Variants in SEC61A2 observed in about 807,000 individuals in gnomAD.
The protein encoded by SEC61A2 is SEC61 translocon subunit alpha 2.
In SEC61A2, 28 loss-of-function variants were observed where a neutral mutation model predicts 59.9. The ratio of observed to expected loss-of-function variants is 0.47; its 90% CI spans 0.35 to 0.64. SEC61A2 has a LOEUF of 0.64. SEC61A2 is among the 30% of genes least tolerant of loss of function. The pLI, the probability that SEC61A2 is intolerant of heterozygous loss-of-function variation, is 0.01. For synonymous variants in SEC61A2, 202 were observed against 214.4 expected, an observed-to-expected ratio of 0.94 and a Z score of 0.50; for missense variants, 340 against 585.9, an observed-to-expected ratio of 0.58 and a Z score of 4.33.
In SEC61A2 at chr10:12,165,154, A is replaced by G. The variant is rs555389672; in HGVS notation, c.*700A>G. On this transcript the variant is annotated 3_prime_UTR_variant, in exon 12 of 12. Coordinates refer to ENST00000298428, the MANE Select transcript of SEC61A2 (RefSeq NM_018144.4). ...GTATTGGCTATGCCTTCTAACTCCA[A>G]CCAGTCACTTGAGAATATTCTTTCA... 1.4e-5 allele frequency: 14 copies of G among 985,388 alleles called. No homozygotes were observed. In the South Asian group the frequency reaches 3.8e-4, roughly 26 times the overall value. The allele number at this position is 985,388 out of a possible 1,614,324, so 61.0% of individuals were successfully genotyped here.
At position 12,156,234 on chromosome 10, in the gene SEC61A2, T is replaced by G. The variant is rs1470710830; in HGVS notation, c.616+303T>G. Among the ~76,000 whole-genome samples the G allele has an allele frequency of 6.6e-6, 1 of 152,236 alleles. No homozygotes were observed. Among genetic ancestry groups the G allele is most frequent in the Admixed American group, 6.5e-5 (1 of 15,284 alleles). On this transcript the variant is annotated intron_variant, in intron 7 of 11. Transcript: ENST00000298428. This position sits in a 1 kb window ranked among gnomAD's most constrained non-coding sequence, Gnocchi z 5.2. ...TGCAGAAGTCATTTATTTGACTGAT[T>G]TCAGCATCCGTAGGGGGATAAAAAG...
At chr10:12,157,189 T>C (rs1834418218) in intron 8 of SEC61A2, 122 bp downstream of exon 8, 2 of 986,040 alleles carry the variant, frequency 2.0e-6, no homozygotes, top group East Asian at 2.5e-5. Flanking sequence ...GAAATAAAAT[T>C]TTGCAATTAG....
chr10:12,162,486 C>T lies in SEC61A2; in HGVS notation c.1244+197C>T. ...TTTCATTGAAATTGTGAGCACTGCT[C>T]TGCTCATCCCAGTGATAAAATCTTG... On this transcript the variant is annotated intron_variant, in intron 11 of 11. Transcript: ENST00000298428. The surrounding 1 kb of genome is among the most constrained non-coding windows in gnomAD (Gnocchi z 6.1). The T allele has an allele frequency of 1.4e-6, 1 of 739,004 alleles. No individual in the cohort carries two copies. Among genetic ancestry groups the T allele is most frequent in the Non-Finnish European group, 2.5e-6 (1 of 400,392 alleles). 45.8% of individuals were successfully genotyped at this position (739,004 alleles called of 1,614,324 possible).
chr10:12,132,530 C>G (rs1043428410), intron 1 of SEC61A2, among the ~76,000 whole-genome samples: 1 of 151,664 alleles, frequency 6.6e-6, no homozygotes, highest in Non-Finnish European at 1.5e-5. Flanking sequence ...AGGAGAATCA[C>G]TTGAACCTGG....
At chr10:12,144,515 C>T (rs1431379366) in intron 4 of SEC61A2, among the ~76,000 whole-genome samples, 1 of 152,162 alleles carries the variant, frequency 6.6e-6, no homozygotes, top group African/African-American at 2.4e-5. Context: ...TATTGTGTGT[C>T]AGCCTTTGTG....
intron 2 of SEC61A2, among the ~76,000 whole-genome samples, chr10:12,134,255 C>T (rs1193194724): frequency 2.0e-5 from 3 of 152,244 alleles, no homozygotes; most frequent in African/African-American, 7.2e-5. Context: ...GATCTGCCCG[C>T]CTCAGCCTCC....
Position 12,156,993 on chromosome 10 carries a change from T to TA in SEC61A2, c.704dup (p.Tyr235Ter). 6.2e-7 allele frequency: 1 copy of TA among 1,614,128 alleles called. No individual in the cohort carries two copies. The highest frequency in any genetic ancestry group is 8.5e-7 in the Non-Finnish European group (1 of 1,179,976). Reference protein sequence around the residue: ...DKVRALREAFYRQNLPNLMNL... With the variant: ...DKVRALREAF ...AGTCCGAGCTTTACGGGAGGCTTTT[T>TA]ATCGGCAGAACTTACCCAATCTCAT... Residue 235 changes from tyrosine to a stop codon, truncating the protein, a stop_gained and frameshift_variant, in exon 8 of 12, where the codon TAT becomes TAAT. Coordinates refer to ENST00000298428, the MANE Select transcript of SEC61A2 (RefSeq NM_018144.4). LOFTEE classifies it high-confidence loss of function. This position sits in a 1 kb window ranked among gnomAD's most constrained non-coding sequence, Gnocchi z 5.2.
chr10:12,142,400 T>TA lies in SEC61A2; in HGVS notation c.142-716dup, dbSNP rs1435863225. 1.7e-5 allele frequency: 6 copies of TA among 359,876 alleles called. No individual in the cohort carries two copies. The highest frequency in any genetic ancestry group is 1.1e-4 in the South Asian group (1 of 8,836). 22.3% of individuals were successfully genotyped at this position (359,876 alleles called of 1,614,324 possible). On this transcript the variant is annotated intron_variant, in intron 3 of 11. Transcript: ENST00000298428. This position sits in a 1 kb window ranked among gnomAD's most constrained non-coding sequence, Gnocchi z 5.4. ...AGAACTGCTATTTTATATTTAGTTT[T>TA]ATGACATAAGTACTTCTTCCATGTT...
rs1401749566 is a variant in SEC61A2 at position 12,154,428 on chromosome 10, T to C, written c.463-1350T>C. ...GGTCATTTCTCAAGGCCCATCACGA[T>C]GCTTTCTGTGGCTGATGTTCATGGA... is the stretch of plus-strand genomic sequence containing the variant. On this transcript the variant is annotated intron_variant, in intron 6 of 11. Coordinates refer to ENST00000298428, the MANE Select transcript of SEC61A2 (RefSeq NM_018144.4). The surrounding 1 kb of genome is among the most constrained non-coding windows in gnomAD (Gnocchi z 5.2). Among the ~76,000 whole-genome samples the C allele has an allele frequency of 6.6e-6, 1 of 152,210 alleles. No homozygotes were observed. Among genetic ancestry groups the C allele is most frequent in the East Asian group, 1.9e-4 (1 of 5,196 alleles).
At chr10:12,136,631 GTTTTA>G (rs890403068) in intron 3 of SEC61A2, among the ~76,000 whole-genome samples, 1 of 151,764 alleles carries the variant, frequency 6.6e-6, no homozygotes, top group African/African-American at 2.4e-5. Flanking sequence ...TTGTATTTTT[GTTTTA>G]TTTTATTTTT....
rs1394597889 is a variant in SEC61A2 at position 12,162,192 on chromosome 10, A to C, written c.1168-21A>C. The C allele has an allele frequency of 1.9e-6, 3 of 1,609,410 alleles. No homozygotes were observed. Among genetic ancestry groups the C allele is most frequent in the Non-Finnish European group, 2.6e-6 (3 of 1,176,402 alleles). On this transcript the variant is annotated intron_variant, in intron 10 of 11. Transcript: ENST00000298428. This position sits in a 1 kb window ranked among gnomAD's most constrained non-coding sequence, Gnocchi z 6.1. The stretch of plus-strand genomic sequence containing the variant: ...GTGAAATGTTCCAGTTGGATTTTGA[A>C]AGTCGTTTTTCTCTCGGCAGGTAGC...
Position 12,129,716 on chromosome 10 carries a change from C to T in SEC61A2, c.-72C>T, listed in dbSNP as rs1035343072. 20 of 1,433,502 alleles carry T rather than the reference C, an allele frequency of 1.4e-5. No individual in the cohort carries two copies. In the South Asian group the frequency reaches 1.9e-4, roughly 14 times the overall value. 88.8% of individuals were successfully genotyped at this position (1,433,502 alleles called of 1,614,324 possible). ...ATCGCGTCGGGAGCCGGTACCGAGG[C>T]CCGAGCCGCGGGAGTCGAGCGAAGG... is the stretch of plus-strand genomic sequence containing the variant. On this transcript the variant is annotated 5_prime_UTR_variant, in exon 1 of 12. Coordinates refer to ENST00000298428, the MANE Select transcript of SEC61A2 (RefSeq NM_018144.4). The surrounding 1 kb of genome is among the most constrained non-coding windows in gnomAD (Gnocchi z 5.6).
rs1834351800 is a variant in SEC61A2 at position 12,154,455 on chromosome 10, G to A, written c.463-1323G>A. 2.6e-5 allele frequency among the ~76,000 whole-genome samples: 4 copies of A among 152,124 alleles called. No homozygotes were observed. The highest frequency in any genetic ancestry group is 1.5e-5 in the Non-Finnish European group (1 of 68,018). The stretch of plus-strand genomic sequence containing the variant: ...CTTTCTGTGGCTGATGTTCATGGAC[G>A]GCTGTTGCCTCCTGCATAGGATGGG... On this transcript the variant is annotated intron_variant, in intron 6 of 11. Coordinates refer to ENST00000298428, the MANE Select transcript of SEC61A2 (RefSeq NM_018144.4). The surrounding 1 kb of genome is among the most constrained non-coding windows in gnomAD (Gnocchi z 5.2).
chr10:12,149,551 C>G lies in SEC61A2; in HGVS notation c.221-44C>G, dbSNP rs374591325. 4 of 1,544,262 alleles carry G rather than the reference C, an allele frequency of 2.6e-6. No homozygotes were observed. The highest frequency in any genetic ancestry group is 1.4e-5 in the African/African-American group (1 of 72,514). Reference sequence around the variant, plus strand: ...GCGACACCTCTAAATCAGTTTGTATCGTGTACAGCAAACATTGCACACTTC... The same window carrying G: ...GCGACACCTCTAAATCAGTTTGTATGGTGTACAGCAAACATTGCACACTTC... On this transcript the variant is annotated intron_variant, in intron 4 of 11. Transcript: ENST00000298428. This position sits in a 1 kb window ranked among gnomAD's most constrained non-coding sequence, Gnocchi z 5.2.
rs1277000684 is a variant in SEC61A2 at position 12,162,809 on chromosome 10, GC to G, written c.1244+524del. Among the ~76,000 whole-genome samples the G allele has an allele frequency of 6.6e-6, 1 of 151,940 alleles. No homozygotes were observed. Among genetic ancestry groups the G allele is most frequent in the East Asian group, 1.9e-4 (1 of 5,180 alleles). ...TACTAGCCCACCTTCCCAACCACCA[GC>G]CCCAGACAGCCACTTTTAACTTTGT... On this transcript the variant is annotated intron_variant, in intron 11 of 11. Transcript: ENST00000298428. This position sits in a 1 kb window ranked among gnomAD's most constrained non-coding sequence, Gnocchi z 6.1.
chr10:12,136,606 A>G (rs975349428), intron 3 of SEC61A2, among the ~76,000 whole-genome samples: 1 of 152,154 alleles, frequency 6.6e-6, no homozygotes, highest in Non-Finnish European at 1.5e-5. Context: ...GCCTACCACC[A>G]TGCCCAGCTA....
chr10:12,153,991 T>C lies in SEC61A2; in HGVS notation c.463-1787T>C, dbSNP rs1834342131. Among the ~76,000 whole-genome samples the C allele has an allele frequency of 6.6e-6, 1 of 152,230 alleles. No homozygotes were observed. The highest frequency in any genetic ancestry group is 2.1e-4 in the South Asian group (1 of 4,834). ...CAGTGTGCATGGCACATAATAAAGG[T>C]AAGTATGTTTTGACATACTGAACAA... is the stretch of plus-strand genomic sequence containing the variant. On this transcript the variant is annotated intron_variant, in intron 6 of 11. Coordinates refer to ENST00000298428, the MANE Select transcript of SEC61A2 (RefSeq NM_018144.4). The surrounding 1 kb of genome is among the most constrained non-coding windows in gnomAD (Gnocchi z 5.2).
At chr10:12,132,639 T>G (rs1833783716) in intron 1 of SEC61A2, among the ~76,000 whole-genome samples, 1 of 140,168 alleles carries the variant, frequency 7.1e-6, no homozygotes, top group Non-Finnish European at 1.6e-5. Flanking sequence ...AAGTTAACTA[T>G]AGGAGGTGAT....
At position 12,158,219 on chromosome 10, in the gene SEC61A2, C is replaced by T. The variant is rs564781824; in HGVS notation, c.975+114C>T. 2.5e-5 allele frequency: 21 copies of T among 844,356 alleles called. No individual in the cohort carries two copies. In the East Asian group the frequency reaches 5.6e-4, roughly 23 times the overall value. 52.3% of individuals were successfully genotyped at this position (844,356 alleles called of 1,614,324 possible). On this transcript the variant is annotated intron_variant, in intron 9 of 11. Transcript: ENST00000298428. The surrounding 1 kb of genome is among the most constrained non-coding windows in gnomAD (Gnocchi z 5.7). The stretch of plus-strand genomic sequence containing the variant: ...AGCATTTGCTGTATTTTCAGATTCA[C>T]TTACCTATATAGCAGAGTTTAGTAC...
Sources: gnomAD v4.1 joint callset for allele counts (sites outside exome capture counted in the v4.1 genomes callset) on GRCh38, gnomAD v4.1.1 for gene constraint, Gnocchi (gnomAD v3.1) non-coding constraint, MANE v1.5 for transcripts, NCBI Gene and HGNC (gene_info 2026-07-23, HGNC 2026-07-21) for gene names.